SETD4: variants seen among roughly 807,000 people sequenced by gnomAD.
The protein encoded by SETD4 is SET domain-containing protein 4.
Under a neutral mutation model 58.3 loss-of-function variants are expected in SETD4, and 46 were observed. The ratio of observed to expected loss-of-function variants is 0.79; its 90% CI spans 0.62 to 1.01. The LOEUF is 1.01. Ranked by LOEUF, SETD4 falls within the 50% of genes least tolerant of loss-of-function variation. The pLI, the probability that SETD4 is intolerant of heterozygous loss-of-function variation, is 0.00. For missense variants in SETD4, 490 were observed against 523.3 expected (o/e 0.94, Z 0.62); for synonymous variants, 190 against 202.6 (o/e 0.94, Z 0.53).
Position 36,058,873 on chromosome 21 carries a change from C to G in SETD4, c.16G>C (p.Gly6Arg). 6.9e-6 allele frequency: 11 copies of G among 1,600,110 alleles called. No homozygotes were observed. Among genetic ancestry groups the G allele is most frequent in the Non-Finnish European group, 9.4e-6 (11 of 1,175,002 alleles). MQKGK[G>R]RTSRIRRRKL... ...CGTCTTCTGATCCGGCTTGTTCTCC[C>G]TTTTCCTTTCTGCATGCTAAAACTG... The change falls in exon 2 of 12, where the codon GGG (glycine) becomes CGG (arginine). Residue 6 changes from glycine (G) to arginine (R), a missense_variant. Coordinates refer to ENST00000332131, the MANE Select transcript of SETD4 (RefSeq NM_017438.5).
rs774027596 is a variant in SETD4, at chr21:36,058,919, A to G, written c.-31T>C. The G allele has an allele frequency of 6.4e-7, 1 of 1,562,582 alleles. No individual in the cohort carries two copies. Among genetic ancestry groups the G allele is most frequent in the South Asian group, 1.2e-5 (1 of 80,638 alleles). ...AACTGTAGTTTCTTTTTTCTGAAATACAGTTCTATTTTTTCAAAAAGGACA... is the reference window on the plus strand; with the variant it reads ...AACTGTAGTTTCTTTTTTCTGAAATGCAGTTCTATTTTTTCAAAAAGGACA... On this transcript the variant is annotated 5_prime_UTR_variant, in exon 2 of 12. Coordinates refer to ENST00000332131, the MANE Select transcript of SETD4 (RefSeq NM_017438.5).
intron 8 of SETD4, 52 bp from the exon 9 acceptor site, chr21:36,040,707 C>A (rs1160426100): frequency 2.0e-6 from 3 of 1,507,808 alleles, no homozygotes; most frequent in East Asian, 2.3e-5. Flanking sequence ...TATTTCATGA[C>A]CTCATAGCAA....
chr21:36,051,485 T>A (rs2064684217), intron 4 of SETD4: 1 of 1,345,922 alleles, frequency 7.4e-7, no homozygotes, highest in East Asian at 2.6e-5. Flanking sequence ...CTCAGGAAGA[T>A]GAGAGAAAAT....
Position 36,045,725 on chromosome 21 carries a change from T to G in SETD4, c.583A>C (p.Ser195Arg), listed in dbSNP as rs1380236088. The G allele has an allele frequency of 1.1e-5, 18 of 1,614,064 alleles. No individual in the cohort carries two copies. The East Asian group carries it at 4.0e-4, about 36-fold the overall frequency. ...GTGCACCAAGCCCACAGCAGGGCAC[T>G]GTAGCTGAAGATGCTGTCAACAGCC... Reference protein sequence around the residue: ...AEAVDSIFSYSALLWAWCTVN... With the variant: ...AEAVDSIFSYRALLWAWCTVN... Residue 195 changes from serine to arginine, a missense_variant, in exon 6 of 12, where the codon AGT becomes CGT. Physicochemically the swap from Ser to Arg is moderately radical, Grantham distance 110. Transcript: ENST00000332131.
At position 36,041,692 on chromosome 21, in the gene SETD4, C is replaced by T. The variant is rs1205537194; in HGVS notation, c.983+115G>A. 5.9e-6 allele frequency: 4 copies of T among 674,782 alleles called. No homozygotes were observed. In the African/African-American group the frequency reaches 7.4e-5, roughly 12 times the overall value. The allele number at this position is 674,782 out of a possible 1,614,324, so 41.8% of individuals were successfully genotyped here. A position where few individuals can be genotyped will look rare whatever the true frequency, so the allele number is the denominator to read the frequency against. ...GCACATAGTAAGTGCTCAATACCTA[C>T]CCGTCAGCTGATACAGGGTCAGGAG... On this transcript the variant is annotated intron_variant, in intron 8 of 11. Transcript: ENST00000332131.
chr21:36,054,961 T>C (rs2064911270), intron 3 of SETD4, among the ~76,000 whole-genome samples: 1 of 152,238 alleles, frequency 6.6e-6, no homozygotes, highest in Non-Finnish European at 1.5e-5. Flanking sequence ...AAGTCCTCCA[T>C]CAGTTTCCCA....
At chr21:36,051,502 G>T in intron 4 of SETD4, 1 of 1,307,910 alleles carries the variant, frequency 7.6e-7, no homozygotes, top group Non-Finnish European at 9.9e-7. Flanking sequence ...AAATTAGTAG[G>T]ATTAGTTGGA....
chr21:36,042,277 G>A (rs998626161), intron 7 of SETD4: 2 of 154,146 alleles, frequency 1.3e-5, no homozygotes, highest in Non-Finnish European at 2.9e-5. Context: ...AGAATTCAAA[G>A]CAGTCTGGAT....
At position 36,046,002 on chromosome 21, in the gene SETD4, A is replaced by G. The variant is rs776494199; in HGVS notation, c.306T>C (p.Pro102=). The change falls in exon 6 of 12, where the codon CCT becomes CCC. Residue 102 remains proline (P), a synonymous_variant. Coordinates refer to ENST00000332131, the MANE Select transcript of SETD4 (RefSeq NM_017438.5). The part of the protein sequence containing the change: ...YLGAYITKWK[P]PPSPLLALCT... ...ACAGCGCCAGCAGAGGAGATGGAGG[A>G]GGCTTCCACCTTTGAAAATTAAAAG... is the stretch of plus-strand genomic sequence containing the variant. 5 of 1,611,190 alleles carry G rather than the reference A, an allele frequency of 3.1e-6. No individual in the cohort carries two copies. The highest frequency in any genetic ancestry group is 3.4e-6 in the Non-Finnish European group (4 of 1,178,864).
At chr21:36,059,607 G>T in intron 1 of SETD4, 1 of 419,858 alleles carries the variant, frequency 2.4e-6, no homozygotes. Context: ...AGAATCGCTT[G>T]ATCTCAGGAG....
chr21:36,060,046 C>A (rs1353611989), intron 1 of SETD4: 8 of 985,444 alleles, frequency 8.1e-6, no homozygotes, highest in Non-Finnish European at 8.4e-6. Context: ...GCCGTGAGGC[C>A]GTCCTACGGT....
At chr21:36,057,974 G>A (rs1479155604) in intron 2 of SETD4, among the ~76,000 whole-genome samples, 1 of 152,170 alleles carries the variant, frequency 6.6e-6, no homozygotes, top group Non-Finnish European at 1.5e-5. Context: ...AAGCACTTTT[G>A]TATTGAACAA....
chr21:36,049,335 G>C (rs549144644), intron 4 of SETD4, among the ~76,000 whole-genome samples: 1 of 151,984 alleles, frequency 6.6e-6, no homozygotes, highest in Non-Finnish European at 1.5e-5. Context: ...CAGGTGGATC[G>C]CTTGAGGTCA....
intron 4 of SETD4, among the ~76,000 whole-genome samples, chr21:36,052,442 A>G (rs1370429970): frequency 2.0e-5 from 3 of 151,378 alleles, no homozygotes; most frequent in Non-Finnish European, 4.4e-5. Flanking sequence ...CTGTAATTTC[A>G]GCTACTTCAG....
intron 2 of SETD4, among the ~76,000 whole-genome samples, chr21:36,058,507 A>G (rs920711347): frequency 8.8e-6 from 1 of 113,866 alleles, no homozygotes; most frequent in African/African-American, 3.1e-5. Context: ...CTTGTCTCCA[A>G]AAAAAAAAAA....
In SETD4 at chr21:36,045,603, C is replaced by T. The variant is rs2064281699; in HGVS notation, c.705G>A (p.Leu235=). The T allele has an allele frequency of 6.2e-7, 1 of 1,613,856 alleles. No homozygotes were observed. Among genetic ancestry groups the T allele is most frequent in the South Asian group, 1.1e-5 (1 of 91,072 alleles). The change falls in exon 6 of 12, where the codon CTG becomes CTA. Residue 235 remains leucine, a synonymous_variant. Transcript: ENST00000332131. ...TCALAPYLDL[L]NHSPHVQVKA... is the part of the protein sequence containing the mutation. ...TCACCTGGACATGTGGGCTATGATT[C>T]AGCAGGTCCAGGTACGGAGCGAGTG...
chr21:36,035,305 G>C lies in SETD4; in HGVS notation c.*688C>G, dbSNP rs1487050417. The C allele has an allele frequency of 6.6e-6, 1 of 152,496 alleles. No individual in the cohort carries two copies. Among genetic ancestry groups the C allele is most frequent in the Non-Finnish European group, 1.5e-5 (1 of 68,262 alleles). The allele number at this position is 152,496 out of a possible 1,614,324, so 9.4% of individuals were successfully genotyped here. On this transcript the variant is annotated 3_prime_UTR_variant, in exon 12 of 12. Coordinates refer to ENST00000332131, the MANE Select transcript of SETD4 (RefSeq NM_017438.5). ...ATCAGCTGACCTACACTGAACCCCAGAATCAAGCAGACAGGCCCACCACGG... is the reference window on the plus strand; with the variant it reads ...ATCAGCTGACCTACACTGAACCCCACAATCAAGCAGACAGGCCCACCACGG...
chr21:36,052,512 C>A (rs529526843), intron 4 of SETD4, among the ~76,000 whole-genome samples: 52 of 146,848 alleles, frequency 3.5e-4, no homozygotes, highest in African/African-American at 1.1e-3. Flanking sequence ...GAGCCGAGAT[C>A]GCGCCACTGC....
At position 36,045,923 on chromosome 21, in the gene SETD4, A is replaced by G; in HGVS notation, c.385T>C (p.Tyr129His). 1.2e-6 allele frequency: 2 copies of G among 1,614,236 alleles called. No individual in the cohort carries two copies. The highest frequency in any genetic ancestry group is 1.1e-5 in the South Asian group (1 of 91,090). Residue 129 changes from tyrosine (Y) to histidine (H), a missense_variant, in exon 6 of 12, where the codon TAC becomes CAC. Tyr to His is a moderately conservative substitution (Grantham distance 83, BLOSUM62 2). Coordinates refer to ENST00000332131, the MANE Select transcript of SETD4 (RefSeq NM_017438.5). ...TACGCCTTGGGTAAAATCTCCAGGT[A>G]AGGCTTCCAAAGAGATCGGTGCCCA... ...HAGHRSLWKP[Y>H]LEILPKAYTC...
Sources: gnomAD v4.1 joint callset for allele counts (sites outside exome capture counted in the v4.1 genomes callset) on GRCh38, gnomAD v4.1.1 for gene constraint, MANE v1.5 for transcripts, NCBI Gene and HGNC (gene_info 2026-07-23, HGNC 2026-07-21) for gene names.